The following SECISBP2L variants were observed in gnomAD, a reference collection of about 807,000 sequenced individuals.
SECISBP2L encodes the protein SECIS binding protein 2 like.
Under a neutral mutation model 114.7 loss-of-function variants are expected in SECISBP2L, and 43 were observed. The ratio of observed to expected loss-of-function variants is 0.38; its 90% CI spans 0.29 to 0.48. The LOEUF is 0.48. SECISBP2L is among the 20% of genes least tolerant of loss of function. SECISBP2L has a pLI of 0.98. For missense variants in SECISBP2L, 1,136 were observed against 1,301.1 expected, an observed-to-expected ratio of 0.87 and a Z score of 1.95; for synonymous variants, 451 against 439.7, an observed-to-expected ratio of 1.03 and a Z score of -0.32.
chr15:49,009,509 T>C (rs749646990), intron 13 of SECISBP2L, 131 bp from the exon 14 acceptor site: 3 of 796,154 alleles, frequency 3.8e-6, no homozygotes, highest in African/African-American at 1.8e-5. Context: ...GCTAATAAGG[T>C]GGGCATTTTT....
intron 14 of SECISBP2L, among the ~76,000 whole-genome samples, chr15:49,007,510 A>C (rs955088104): frequency 1.3e-4 from 20 of 152,334 alleles, no homozygotes; most frequent in African/African-American, 4.8e-4. Context: ...GGAGGAATCT[A>C]AAGAGGCAGT....
Position 49,033,033 on chromosome 15 carries a change from T to C in SECISBP2L, c.596A>G (p.Glu199Gly). The change falls in exon 4 of 18, where the codon GAA (glutamate) becomes GGA (glycine). Residue 199 changes from glutamate (E) to glycine (G), a missense_variant. Coordinates refer to ENST00000559471, the MANE Select transcript of SECISBP2L (RefSeq NM_001193489.2). ...PLVKNVATQK[E>G]TNAAGPDSRS... ...ACTATCAGGACCTGCTGCATTTGTT[T>C]CTTTCTGAGTAGCTACATTTTTCAC... The C allele has an allele frequency of 6.2e-7, 1 of 1,614,172 alleles. No homozygotes were observed. The highest frequency in any genetic ancestry group is 8.5e-7 in the Non-Finnish European group (1 of 1,180,022).
intron 4 of SECISBP2L, 35 bp from the exon 5 acceptor site, chr15:49,028,717 G>T (rs754993394): frequency 8.7e-6 from 13 of 1,501,296 alleles, no homozygotes; most frequent in Non-Finnish European, 1.2e-5. Flanking sequence ...AATTCTTTGT[G>T]ATGAACAAAT....
intron 14 of SECISBP2L, among the ~76,000 whole-genome samples, chr15:49,002,180 G>A (rs933790304): frequency 6.6e-6 from 1 of 152,184 alleles, no homozygotes; most frequent in African/African-American, 2.4e-5. Context: ...TCTCATTGTG[G>A]TTTTGATTTG....
intron 1 of SECISBP2L, among the ~76,000 whole-genome samples, chr15:49,038,179 A>C (rs187888076): frequency 6.6e-6 from 1 of 152,196 alleles, no homozygotes; most frequent in Non-Finnish European, 1.5e-5. Context: ...TATTTGTTTG[A>C]ATAGTCTTAA....
At chr15:49,041,502 G>A (rs1377715093) in intron 1 of SECISBP2L, among the ~76,000 whole-genome samples, 3 of 152,146 alleles carry the variant, frequency 2.0e-5, no homozygotes, top group Non-Finnish European at 4.4e-5. Flanking sequence ...CATACATTCC[G>A]GAAAGAGCAC....
chr15:48,988,879 C>T lies in SECISBP2L; in HGVS notation c.*3365G>A, dbSNP rs1901912778. Reference sequence around the variant, plus strand: ...TTAGAAATTAAATTATAAAATAATACAAATACTTTCAAGGTGTGATGTGCC... The same window carrying T: ...TTAGAAATTAAATTATAAAATAATATAAATACTTTCAAGGTGTGATGTGCC... On this transcript the variant is annotated 3_prime_UTR_variant, in exon 18 of 18. Coordinates refer to ENST00000559471, the MANE Select transcript of SECISBP2L (RefSeq NM_001193489.2). 1 of 189,048 alleles carries T rather than the reference C, an allele frequency of 5.3e-6. No homozygotes were observed. Among genetic ancestry groups the T allele is most frequent in the African/African-American group, 2.4e-5 (1 of 41,976 alleles). 11.7% of individuals were successfully genotyped at this position (189,048 alleles called of 1,614,324 possible). A position where few individuals can be genotyped will look rare whatever the true frequency, so the allele number is the denominator to read the frequency against.
Position 49,016,918 on chromosome 15 carries a change from T to C in SECISBP2L, c.1349A>G (p.Lys450Arg). The C allele has an allele frequency of 6.2e-7, 1 of 1,614,112 alleles. No individual in the cohort carries two copies. The highest frequency in any genetic ancestry group is 8.5e-7 in the Non-Finnish European group (1 of 1,179,980). The change falls in exon 10 of 18, where the codon AAA becomes AGA. Residue 450 changes from lysine to arginine, a missense_variant. Transcript: ENST00000559471. ...TGTGGCAAGGGCTGCTGCTAAAGCT[T>C]TCTTCTTCTGACTTTTTGCACGTTT... ...VPKRAKSQKK[K>R]ALAAALATAQ...
chr15:49,025,719 C>CA (rs945980445), intron 7 of SECISBP2L, among the ~76,000 whole-genome samples: 160 of 149,224 alleles, frequency 1.1e-3, no homozygotes, highest in Middle Eastern at 3.4e-3. Flanking sequence ...CTCAAAAAGA[C>CA]AAAAAAAAAT....
At chr15:49,004,072 G>C (rs1332247285) in intron 14 of SECISBP2L, among the ~76,000 whole-genome samples, 1 of 152,012 alleles carries the variant, frequency 6.6e-6, no homozygotes, top group Non-Finnish European at 1.5e-5. Flanking sequence ...CTGGTTCTAG[G>C]CTTTTTTTGG....
At chr15:49,036,145 T>C (rs919329273) in intron 2 of SECISBP2L, among the ~76,000 whole-genome samples, 13 of 152,190 alleles carry the variant, frequency 8.5e-5, no homozygotes, top group Non-Finnish European at 1.9e-4. Context: ...CCTCCTCTCA[T>C]ACTCCCCTAA....
At chr15:49,040,349 C>G (rs1213719432) in intron 1 of SECISBP2L, among the ~76,000 whole-genome samples, 1 of 152,074 alleles carries the variant, frequency 6.6e-6, no homozygotes, top group Non-Finnish European at 1.5e-5. Context: ...TAGTCAACAG[C>G]TGCACAAACA....
chr15:49,014,746 AAT>A lies in SECISBP2L; in HGVS notation c.1561+1812_1561+1813del, dbSNP rs148677656. ...AAAGATATATAATTATATATAAAAC[AAT>A]ATATAGTTATATAATTTATAGTAAT... On this transcript the variant is annotated intron_variant, in intron 11 of 17. Coordinates refer to ENST00000559471, the MANE Select transcript of SECISBP2L (RefSeq NM_001193489.2). 2.0e-3 allele frequency among the ~76,000 whole-genome samples: 299 copies of A among 148,572 alleles called. 1 individual carries two copies. The highest frequency in any genetic ancestry group is 0.017 in the South Asian group (81 of 4,776).
At chr15:49,029,805 A>G (rs1346535616) in intron 4 of SECISBP2L, among the ~76,000 whole-genome samples, 1 of 151,996 alleles carries the variant, frequency 6.6e-6, no homozygotes, top group Admixed American at 6.6e-5. Flanking sequence ...AATACTTTAC[A>G]TTATCATCCA....
At chr15:49,007,331 A>G (rs1431950473) in intron 14 of SECISBP2L, among the ~76,000 whole-genome samples, 1 of 152,252 alleles carries the variant, frequency 6.6e-6, no homozygotes, top group Non-Finnish European at 1.5e-5. Context: ...CTGTGCTGGG[A>G]GATCCACTGC....
intron 4 of SECISBP2L, among the ~76,000 whole-genome samples, chr15:49,032,213 C>A (rs1348809029): frequency 1.3e-5 from 2 of 152,194 alleles, no homozygotes; most frequent in Non-Finnish European, 2.9e-5. Flanking sequence ...AAAGCTAATT[C>A]TGCCTTTGAA....
At chr15:48,993,705 C>A (rs1902035822) in intron 17 of SECISBP2L, among the ~76,000 whole-genome samples, 1 of 140,726 alleles carries the variant, frequency 7.1e-6, no homozygotes, top group African/African-American at 2.9e-5. Context: ...ATATATATAG[C>A]TTGGCTTACA....
Position 49,027,607 on chromosome 15 carries a change from A to ATT in SECISBP2L, c.920-129_920-128dup, listed in dbSNP as rs561310621. The stretch of plus-strand genomic sequence containing the variant: ...TAGTGAAAATTTTTCTATAAACCTT[A>ATT]TTATTTTTTTTTTTTTTTGAGACAG... On this transcript the variant is annotated intron_variant, in intron 6 of 17. Transcript: ENST00000559471. The ATT allele has an allele frequency of 4.1e-3, 1,322 of 323,688 alleles. 7 individuals carry two copies. The highest frequency in any genetic ancestry group is 7.5e-3 in the Middle Eastern group (8 of 1,068). The allele number at this position is 323,688 out of a possible 1,614,324, so 20.1% of individuals were successfully genotyped here. A position where few individuals can be genotyped will look rare whatever the true frequency, so the allele number is the denominator to read the frequency against.
intron 14 of SECISBP2L, chr15:49,001,825 G>C (rs921410537): frequency 5.9e-5 from 9 of 152,192 alleles, no homozygotes; most frequent in African/African-American, 2.2e-4. Context: ...GTATTCCATG[G>C]TGTGTATGTG....
Sources: allele counts gnomAD v4.1 joint callset (sites outside exome capture counted in the v4.1 genomes callset), GRCh38; gene constraint gnomAD v4.1.1; transcripts MANE v1.5; gene names NCBI Gene and HGNC (gene_info 2026-07-23, HGNC 2026-07-21).